Variants in PTPRR observed in about 807,000 individuals in gnomAD.
PTPRR encodes protein tyrosine phosphatase receptor type R.
Under a neutral mutation model 77.2 loss-of-function variants are expected in PTPRR, and 38 were observed. The ratio of observed to expected loss-of-function variants is 0.49; its 90% CI spans 0.38 to 0.65. The LOEUF (loss-of-function observed/expected upper bound fraction) is 0.65. Among genes scored for constraint, PTPRR ranks in the 30% least tolerant of loss-of-function variants. PTPRR has a pLI of 0.00. For missense variants in PTPRR, 744 were observed against 799.2 expected (o/e 0.93, Z 0.83); for synonymous variants, 299 against 283.1 (o/e 1.06, Z -0.57).
intron 13 of PTPRR, among the ~76,000 whole-genome samples, chr12:70,648,993 C>T (rs1347539028): frequency 6.6e-6 from 1 of 152,142 alleles, no homozygotes; most frequent in Admixed American, 6.5e-5. Context: ...GAAGTTGTCA[C>T]AAAGCCAATA....
rs528544103 is a variant in PTPRR, at chr12:70,818,920, G to A, written c.358-54142C>T. Among the ~76,000 whole-genome samples the A allele has an allele frequency of 1.5e-4, 23 of 152,144 alleles. No homozygotes were observed. In the South Asian group the frequency reaches 4.6e-3, roughly 30 times the overall value. ...AAAGTGAACAGCCTTATCCAAACTTGTAATTTGATTAAATTCTACAAACAT... is the reference window on the plus strand; with the variant it reads ...AAAGTGAACAGCCTTATCCAAACTTATAATTTGATTAAATTCTACAAACAT... On this transcript the variant is annotated intron_variant, in intron 2 of 13. Transcript: ENST00000283228.
At chr12:70,866,997 T>G (rs929249796) in intron 2 of PTPRR, among the ~76,000 whole-genome samples, 2 of 151,682 alleles carry the variant, frequency 1.3e-5, no homozygotes, top group Non-Finnish European at 2.9e-5. Context: ...CAACCCTTCA[T>G]GCTAAAAACT....
chr12:70,781,774 T>C (rs2136998440), intron 2 of PTPRR, among the ~76,000 whole-genome samples: 1 of 152,204 alleles, frequency 6.6e-6, no homozygotes, highest in South Asian at 2.1e-4. Context: ...ACAGAGAGAA[T>C]TCATTTTTTC....
intron 10 of PTPRR, among the ~76,000 whole-genome samples, chr12:70,683,492 A>G (rs576287322): frequency 6.6e-6 from 1 of 152,126 alleles, no homozygotes; most frequent in Admixed American, 6.6e-5. Context: ...TGGTTTCTGT[A>G]ACTGTCCTCA....
In PTPRR at chr12:70,892,682, C is replaced by T. The variant is rs779825158; in HGVS notation, c.354G>A (p.Val118=). 1.2e-6 allele frequency: 2 copies of T among 1,612,738 alleles called. No homozygotes were observed. Among genetic ancestry groups the T allele is most frequent in the Admixed American group, 1.7e-5 (1 of 59,920 alleles). ...ATCAGTTTAACATACTACTTACCAC[C>T]ACAATTACATTTGCTGCTGGGATTG... ...NLPIPAANVI[V]VTLQMDVNKL... is the part of the protein sequence containing the mutation. Residue 118 remains valine (V), a synonymous_variant, in exon 2 of 14, where the codon GTG becomes GTA. Transcript: ENST00000283228.
At chr12:70,749,172 C>A (rs564194666) in intron 5 of PTPRR, among the ~76,000 whole-genome samples, 52 of 152,118 alleles carry the variant, frequency 3.4e-4, no homozygotes, top group African/African-American at 9.6e-4. Context: ...ACAACAACAA[C>A]AAACAACAAC....
intron 6 of PTPRR, among the ~76,000 whole-genome samples, chr12:70,711,322 T>C (rs1888821231): frequency 6.6e-6 from 1 of 152,082 alleles, no homozygotes. Context: ...TTCTCCCTTA[T>C]AAGTGGGTGC....
intron 1 of PTPRR, among the ~76,000 whole-genome samples, chr12:70,900,818 A>G (rs914859574): frequency 6.6e-6 from 1 of 151,670 alleles, no homozygotes; most frequent in African/African-American, 2.4e-5. Context: ...TAAAGCCACA[A>G]TGAAGTAACA....
intron 2 of PTPRR, among the ~76,000 whole-genome samples, chr12:70,800,847 A>G (rs1891602483): frequency 6.6e-6 from 1 of 151,770 alleles, no homozygotes; most frequent in African/African-American, 2.4e-5. Flanking sequence ...GTGAGCTGAG[A>G]TCGCACTATT....
At chr12:70,827,787 G>A (rs990739686) in intron 2 of PTPRR, among the ~76,000 whole-genome samples, 6 of 138,244 alleles carry the variant, frequency 4.3e-5, no homozygotes, top group East Asian at 2.1e-4. Context: ...GCACAGTCTC[G>A]GCTCACTGCA....
chr12:70,643,453 G>T (rs1288823346), intron 13 of PTPRR, among the ~76,000 whole-genome samples: 1 of 152,112 alleles, frequency 6.6e-6, no homozygotes, highest in Non-Finnish European at 1.5e-5. Flanking sequence ...GGGATTACAG[G>T]CATGAGCCAC....
chr12:70,667,412 C>T (rs1025475692), intron 10 of PTPRR, among the ~76,000 whole-genome samples: 13 of 152,104 alleles, frequency 8.5e-5, no homozygotes, highest in Admixed American at 5.9e-4. Context: ...TTTGTTTGGG[C>T]GCAGTCAGCA....
intron 5 of PTPRR, among the ~76,000 whole-genome samples, chr12:70,752,137 C>A (rs2136944261): frequency 6.6e-6 from 1 of 152,192 alleles, no homozygotes; most frequent in Admixed American, 6.5e-5. Flanking sequence ...CTATGTCTCC[C>A]TCTAGAGTAA....
rs141106999 is a variant in PTPRR, at chr12:70,665,973, T to C, written c.1498-3368A>G. Among the ~76,000 whole-genome samples the C allele has an allele frequency of 3.5e-3, 536 of 152,264 alleles. 3 individuals are homozygous for C. Among genetic ancestry groups the C allele is most frequent in the African/African-American group, 0.012 (488 of 41,560 alleles). On this transcript the variant is annotated intron_variant, in intron 10 of 13. Transcript: ENST00000283228. ...CATGAGAGGGATAGAATGGGTCAGG[T>C]TGTCTAAAATTATTATTACTATAGC... is the stretch of plus-strand genomic sequence containing the variant.
At chr12:70,651,652 T>A (rs564315145) in intron 13 of PTPRR, among the ~76,000 whole-genome samples, 14 of 152,296 alleles carry the variant, frequency 9.2e-5, no homozygotes, top group Middle Eastern at 6.8e-3. Flanking sequence ...CCAGGGTGGG[T>A]GGCCTCGAAC....
intron 1 of PTPRR, among the ~76,000 whole-genome samples, chr12:70,918,028 C>A (rs1169934695): frequency 3.3e-5 from 5 of 152,182 alleles, no homozygotes; most frequent in African/African-American, 1.2e-4. Context: ...ATAAAAGTAA[C>A]AAACTCACAC....
In PTPRR at chr12:70,656,720, G is replaced by A. The variant is rs1349222777; in HGVS notation, c.1864C>T (p.Gln622Ter). 2 of 1,613,260 alleles carry A rather than the reference G, an allele frequency of 1.2e-6. No individual in the cohort carries two copies. The highest frequency in any genetic ancestry group is 8.5e-7 in the Non-Finnish European group (1 of 1,179,350). The change falls in exon 13 of 14, where the codon CAG (glutamine) becomes TAG (stop). Residue 622 changes from glutamine to a stop codon, truncating the protein, a stop_gained. Transcript: ENST00000283228. LOFTEE classifies it high-confidence loss of function. ...GACACTCACCTATCCATACGAAGCT[G>A]GCAGACAATGCTTAGTGCATCCACA... ...GVVDALSIVC[Q>*]LRMDRGGMVQ... is the part of the protein sequence containing the mutation.
chr12:70,900,313 G>A (rs1893509200), intron 1 of PTPRR, among the ~76,000 whole-genome samples: 1 of 151,378 alleles, frequency 6.6e-6, no homozygotes, highest in African/African-American at 2.4e-5. Flanking sequence ...CAGATCAATG[G>A]TGCAAAATAG....
At chr12:70,685,904 G>T (rs1887850340) in intron 8 of PTPRR, among the ~76,000 whole-genome samples, 1 of 152,058 alleles carries the variant, frequency 6.6e-6, no homozygotes, top group Non-Finnish European at 1.5e-5. Flanking sequence ...TTTGCCCAAA[G>T]GTACACAGCC....
Sources: allele counts gnomAD v4.1 joint callset (sites outside exome capture counted in the v4.1 genomes callset), GRCh38; gene constraint gnomAD v4.1.1; transcripts MANE v1.5; gene names NCBI Gene and HGNC (gene_info 2026-07-23, HGNC 2026-07-21).